The following NIPBL variants were observed in gnomAD, a reference collection of about 807,000 sequenced individuals.
NIPBL encodes NIPBL cohesin loading factor.
In NIPBL, 19 loss-of-function variants were observed where a neutral mutation model predicts 321.8. The observed-to-expected ratio is 0.06, with a 90% CI of 0.04 to 0.09. NIPBL has a LOEUF of 0.09. NIPBL is among the 10% of genes least tolerant of loss of function. The pLI, the probability that NIPBL is intolerant of heterozygous loss-of-function variation, is 1.00. For synonymous variants in NIPBL, 1,106 were observed against 1,114.1 expected (o/e 0.99, Z 0.14); for missense variants, 2,210 against 3,327.0 (o/e 0.66, Z 8.26).
intron 3 of NIPBL, among the ~76,000 whole-genome samples, chr5:36,956,000 T>A (rs1000853699): frequency 5.3e-5 from 8 of 150,044 alleles, no homozygotes; most frequent in Non-Finnish European, 1.2e-4. Context: ...GGCAGGTGGA[T>A]CACGAGATCA....
intron 2 of NIPBL, among the ~76,000 whole-genome samples, chr5:36,954,618 T>TC (rs2149598516): frequency 6.6e-6 from 1 of 152,310 alleles, no homozygotes; most frequent in African/African-American, 2.4e-5. Context: ...TTGGTTTTTC[T>TC]CCCCATGATC....
chr5:37,023,775 T>TTTTTTTTTTTTTA (rs1554026119), intron 29 of NIPBL, among the ~76,000 whole-genome samples: 1 of 138,872 alleles, frequency 7.2e-6, no homozygotes, highest in African/African-American at 2.7e-5. Flanking sequence ...TTTTTTTTTT[T>TTTTTTTTTTTTTA]ACATCCCATA....
chr5:37,043,286 T>C (rs1022120419), intron 34 of NIPBL, among the ~76,000 whole-genome samples: 17 of 152,130 alleles, frequency 1.1e-4, no homozygotes, highest in African/African-American at 4.1e-4. Context: ...TCCCAGCACT[T>C]TGGGAGGCCG....
In NIPBL at chr5:37,025,442, C is replaced by T. The variant is rs562628062; in HGVS notation, c.5709+723C>T. ...ACAGAAAATAGCACATATTTTCACT[C>T]ATGCGTGGAAGCTTAAAAAAAATTT... is the stretch of plus-strand genomic sequence containing the variant. On this transcript the variant is annotated intron_variant, in intron 30 of 46. Transcript: ENST00000282516. Among the ~76,000 whole-genome samples, 5 of 152,160 alleles carry T rather than the reference C, an allele frequency of 3.3e-5. No individual in the cohort carries two copies. The East Asian group carries it at 9.6e-4, about 29-fold the overall frequency.
intron 8 of NIPBL, among the ~76,000 whole-genome samples, chr5:36,972,537 T>G (rs549543282): frequency 2.0e-5 from 3 of 152,262 alleles, no homozygotes; most frequent in African/African-American, 7.2e-5. Context: ...TTTATTAAGT[T>G]TCATTAACAG....
rs1412842487 is a variant in NIPBL, at chr5:36,975,949, A to G, written c.1042A>G (p.Ile348Val). ...TGAGAAAGCGGCAATGTATGATATA[A>G]TTAGTTCTCCATCCAAGGACTCTAC... Reference protein sequence around the residue: ...QSEKAAMYDIISSPSKDSTKL... With the variant: ...QSEKAAMYDIVSSPSKDSTKL... Residue 348 changes from isoleucine to valine, a missense_variant, in exon 9 of 47, where the codon ATT becomes GTT. This residue lies in a region of NIPBL where 464 missense variants were observed against 529.5 expected (regional missense o/e 0.88). Coordinates refer to ENST00000282516, the MANE Select transcript of NIPBL (RefSeq NM_133433.4). 6.2e-7 allele frequency: 1 copy of G among 1,614,018 alleles called. No individual in the cohort carries two copies. The highest frequency in any genetic ancestry group is 2.2e-5 in the East Asian group (1 of 44,866).
intron 4 of NIPBL, among the ~76,000 whole-genome samples, chr5:36,958,726 A>G (rs1214938751): frequency 3.9e-5 from 6 of 152,272 alleles, no homozygotes; most frequent in Non-Finnish European, 8.8e-5. Flanking sequence ...TAATAAAAAT[A>G]TTACATCCAA....
At chr5:37,004,411 T>TC (rs767447515) in intron 16 of NIPBL, among the ~76,000 whole-genome samples, 22 of 152,008 alleles carry the variant, frequency 1.4e-4, no homozygotes, top group Non-Finnish European at 2.9e-4. Context: ...TTTTTTTTTT[T>TC]CTCCCCTGAT....
At chr5:36,955,741 TA>T in intron 3 of NIPBL, 104 bp downstream of exon 3, 4 of 867,060 alleles carry the variant, frequency 4.6e-6, no homozygotes, top group Non-Finnish European at 7.5e-6. Flanking sequence ...ATACATAGTT[TA>T]TTTTTTAAAA....
At chr5:36,973,571 G>A (rs773862623) in intron 8 of NIPBL, among the ~76,000 whole-genome samples, 9 of 151,932 alleles carry the variant, frequency 5.9e-5, no homozygotes, top group Non-Finnish European at 1.3e-4. Flanking sequence ...GGGTTCAAAC[G>A]ATTCTCCTGC....
rs560455174 is a variant in NIPBL, at chr5:37,025,547, T to C, written c.5710-682T>C. 6.6e-5 allele frequency among the ~76,000 whole-genome samples: 10 copies of C among 152,194 alleles called. No individual in the cohort carries two copies. In the East Asian group the frequency reaches 1.9e-3, roughly 29 times the overall value. On this transcript the variant is annotated intron_variant, in intron 30 of 46. Coordinates refer to ENST00000282516, the MANE Select transcript of NIPBL (RefSeq NM_133433.4). ...GAGGGGTTGAATAAAGAGGGGTTGG[T>C]TCACAGTTATCAAAAATACACCCAG...
At chr5:36,919,798 A>T (rs969644861) in intron 1 of NIPBL, among the ~76,000 whole-genome samples, 4 of 152,174 alleles carry the variant, frequency 2.6e-5, no homozygotes, top group African/African-American at 9.6e-5. Context: ...TATTAATTGC[A>T]GTGTTCACAG....
intron 34 of NIPBL, among the ~76,000 whole-genome samples, chr5:37,042,825 CA>C (rs1216799676): frequency 1.0e-3 from 88 of 85,868 alleles, no homozygotes; most frequent in South Asian, 1.1e-3. Flanking sequence ...GACTCCGTCT[CA>C]AAAAAAAAAA....
At chr5:36,882,002 A>G (rs1745541084) in intron 1 of NIPBL, among the ~76,000 whole-genome samples, 1 of 151,962 alleles carries the variant, frequency 6.6e-6, no homozygotes, top group Non-Finnish European at 1.5e-5. Context: ...AGCTAGATCT[A>G]TAAATTAGTA....
chr5:36,972,957 T>C (rs535558080), intron 8 of NIPBL, among the ~76,000 whole-genome samples: 2 of 152,208 alleles, frequency 1.3e-5, no homozygotes, highest in African/African-American at 2.4e-5. Context: ...GTAAGAACTT[T>C]TACTACTTTA....
rs758404835 is a variant in NIPBL at position 37,006,363 on chromosome 5, G to A, written c.3862G>A (p.Asp1288Asn). The A allele has an allele frequency of 7.8e-6, 12 of 1,531,236 alleles. No homozygotes were observed. The highest frequency in any genetic ancestry group is 3.3e-5 in the Admixed American group (2 of 59,858). The allele number at this position is 1,531,236 out of a possible 1,614,324, so 94.9% of individuals were successfully genotyped here. ...KLSTLLNHNN[D>N]TEEEERLWRD... ...TAACAATACTGTTTTACAGAATAAC[G>A]ATACTGAAGAAGAAGAAAGGTTATG... The change falls in exon 17 of 47, where the codon GAT (aspartate) becomes AAT (asparagine). Residue 1288 changes from aspartate to asparagine, a missense_variant. By Grantham distance (23) the Asp-to-Asn change is conservative (BLOSUM62 1). Coordinates refer to ENST00000282516, the MANE Select transcript of NIPBL (RefSeq NM_133433.4).
chr5:36,931,538 G>T (rs527276002), intron 1 of NIPBL, among the ~76,000 whole-genome samples: 2 of 152,014 alleles, frequency 1.3e-5, no homozygotes, highest in African/African-American at 4.8e-5. Context: ...GGTTGCTCTC[G>T]AACTCCTGGA....
intron 1 of NIPBL, among the ~76,000 whole-genome samples, chr5:36,941,665 T>C (rs292194): frequency 0.57 from 87,067 of 151,946 alleles, 27,172 homozygotes; most frequent in African/African-American, 0.84. Flanking sequence ...AGCCTTCTAC[T>C]CTGGGATATA....
Position 36,984,877 on chromosome 5 carries a change from A to G in NIPBL, c.1697A>G (p.Lys566Arg), listed in dbSNP as rs1744564011. The G allele has an allele frequency of 6.2e-7, 1 of 1,613,774 alleles. No homozygotes were observed. The highest frequency in any genetic ancestry group is 1.7e-5 in the Admixed American group (1 of 59,940). The change falls in exon 10 of 47, where the codon AAG becomes AGG. Residue 566 changes from lysine to arginine, a missense_variant. Physicochemically the swap from Lys to Arg is conservative, Grantham distance 26. Coordinates refer to ENST00000282516, the MANE Select transcript of NIPBL (RefSeq NM_133433.4). ...SITQDSDSIK[K>R]PEEIKQCNDA... ...ACTCAGGATTCAGACTCCATAAAAA[A>G]GCCTGAAGAAATCAAACAATGTAAT...
Sources: allele counts gnomAD v4.1 joint callset (sites outside exome capture counted in the v4.1 genomes callset), GRCh38; gene constraint gnomAD v4.1.1; regional missense constraint gnomAD v4.1.1; transcripts MANE v1.5; gene names NCBI Gene and HGNC (gene_info 2026-07-23, HGNC 2026-07-21).